ACVR1: variants seen among roughly 807,000 people sequenced by gnomAD.
ACVR1 encodes the protein activin A receptor type 1.
In ACVR1, 38 loss-of-function variants were observed where a neutral mutation model predicts 57.1. The ratio of observed to expected loss-of-function variants is 0.67; its 90% CI spans 0.51 to 0.87. The LOEUF is 0.87. ACVR1 is among the 40% of genes least tolerant of loss of function. ACVR1 has a pLI of 0.00. For synonymous variants in ACVR1, 212 were observed against 228.1 expected (o/e 0.93, Z 0.63); for missense variants, 463 against 638.2 (o/e 0.73, Z 2.96).
At chr2:157,808,827 C>G (rs1427187336) in intron 2 of ACVR1, among the ~76,000 whole-genome samples, 1 of 151,336 alleles carries the variant, frequency 6.6e-6, no homozygotes, top group Non-Finnish European at 1.5e-5. Context: ...AAAAATAGAT[C>G]CGGCTGATGG....
chr2:157,851,884 CACACACACACACACACACACACA>C (rs1689316433), intron 1 of ACVR1, among the ~76,000 whole-genome samples: 1 of 3,626 alleles, frequency 2.8e-4, no homozygotes, highest in Non-Finnish European at 2.3e-3. Context: ...CACACACACA[CACACACACACACACACACACACA>C]CACCACCCCC....
chr2:157,792,766 T>A (rs779381945), intron 3 of ACVR1, among the ~76,000 whole-genome samples: 8 of 152,204 alleles, frequency 5.3e-5, no homozygotes, highest in Non-Finnish European at 1.2e-4. Flanking sequence ...GTAAGAGTAA[T>A]TACTGTTTCA....
intron 2 of ACVR1, among the ~76,000 whole-genome samples, chr2:157,815,165 G>T (rs1032225007): frequency 1.3e-5 from 2 of 152,030 alleles, no homozygotes; most frequent in Admixed American, 1.3e-4. Context: ...ATAAGAAAAC[G>T]TATAAAACCG....
chr2:157,851,103 A>G (rs1371598300), intron 1 of ACVR1, among the ~76,000 whole-genome samples: 2 of 152,156 alleles, frequency 1.3e-5, no homozygotes, highest in Non-Finnish European at 1.5e-5. Flanking sequence ...TATCTTCCCT[A>G]AAATGATAGA....
rs931548468 is a variant in ACVR1, at chr2:157,755,805, A to G, written c.1264+5075T>C. ...CCACCGTCATTCTTCACAGAACTAGAAAAAGCAATCCTAAAATGTATATGG... is the reference window on the plus strand; with the variant it reads ...CCACCGTCATTCTTCACAGAACTAGGAAAAGCAATCCTAAAATGTATATGG... On this transcript the variant is annotated intron_variant, in intron 9 of 10. Transcript: ENST00000434821. 3.3e-5 allele frequency among the ~76,000 whole-genome samples: 5 copies of G among 152,230 alleles called. No individual in the cohort carries two copies. In the South Asian group the frequency reaches 1.0e-3, roughly 32 times the overall value.
chr2:157,816,283 T>C (rs1375668264), intron 2 of ACVR1, among the ~76,000 whole-genome samples: 1 of 152,140 alleles, frequency 6.6e-6, no homozygotes, highest in Non-Finnish European at 1.5e-5. Flanking sequence ...CTTTATACTG[T>C]TTCGTATTAT....
At chr2:157,782,936 A>G (rs10202473) in intron 3 of ACVR1, among the ~76,000 whole-genome samples, 122,968 of 152,088 alleles carry the variant, frequency 0.81, 49,893 homozygotes, top group East Asian at 0.93. Flanking sequence ...AGGGGTTAGC[A>G]CTGGGATGAA....
At chr2:157,795,738 T>TA (rs918535363) in intron 3 of ACVR1, among the ~76,000 whole-genome samples, 5 of 151,178 alleles carry the variant, frequency 3.3e-5, no homozygotes, top group Middle Eastern at 3.4e-3. Context: ...AAAGCAGGAT[T>TA]AAAAAAAAAC....
intron 1 of ACVR1, among the ~76,000 whole-genome samples, chr2:157,854,274 C>G (rs1386391279): frequency 6.6e-6 from 1 of 150,724 alleles, no homozygotes; most frequent in Non-Finnish European, 1.5e-5. Flanking sequence ...ATATTTCTAG[C>G]TAGTTATCTC....
At chr2:157,841,289 ACT>A (rs1017705916) in intron 1 of ACVR1, among the ~76,000 whole-genome samples, 2 of 152,000 alleles carry the variant, frequency 1.3e-5, no homozygotes, top group African/African-American at 4.8e-5. Context: ...AGACCCACTC[ACT>A]CTCAACCCTT....
chr2:157,765,801 G>T, intron 8 of ACVR1, 120 bp downstream of exon 8: 1 of 981,370 alleles, frequency 1.0e-6, no homozygotes, highest in Non-Finnish European at 1.6e-6. Flanking sequence ...CATTGTAAAT[G>T]TTCAACTTTT....
intron 3 of ACVR1, among the ~76,000 whole-genome samples, chr2:157,794,700 C>T (rs1442869845): frequency 6.6e-6 from 1 of 152,068 alleles, no homozygotes. Flanking sequence ...GGAAATTATG[C>T]ATGAAAGCTA....
chr2:157,871,684 A>G (rs569175588), intron 1 of ACVR1, among the ~76,000 whole-genome samples: 1 of 152,360 alleles, frequency 6.6e-6, no homozygotes, highest in Non-Finnish European at 1.5e-5. Context: ...GATGGATCAC[A>G]TAAGAGCCTT....
chr2:157,828,934 T>C (rs1559081953), intron 1 of ACVR1, among the ~76,000 whole-genome samples: 1 of 151,914 alleles, frequency 6.6e-6, no homozygotes, highest in Non-Finnish European at 1.5e-5. Flanking sequence ...GCCCAGATAA[T>C]TTTTGTATTT....
chr2:157,821,630 G>A (rs943155172), intron 1 of ACVR1, among the ~76,000 whole-genome samples: 1 of 152,142 alleles, frequency 6.6e-6, no homozygotes, highest in Non-Finnish European at 1.5e-5. Flanking sequence ...ATTGAGCTGA[G>A]TTTTTTTCCA....
At chr2:157,869,339 G>A (rs1387393555) in intron 1 of ACVR1, among the ~76,000 whole-genome samples, 1 of 152,146 alleles carries the variant, frequency 6.6e-6, no homozygotes, top group African/African-American at 2.4e-5. Context: ...CACACAAAAA[G>A]AAAACGAAAG....
At chr2:157,840,741 G>C (rs1384705514) in intron 1 of ACVR1, among the ~76,000 whole-genome samples, 2 of 152,248 alleles carry the variant, frequency 1.3e-5, no homozygotes, top group Admixed American at 6.5e-5. Flanking sequence ...TGGGGGCAGG[G>C]AGCACCTGCT....
chr2:157,794,716 A>G (rs970368654), intron 3 of ACVR1, among the ~76,000 whole-genome samples: 1 of 152,224 alleles, frequency 6.6e-6, no homozygotes, highest in Admixed American at 6.5e-5. Context: ...AGCTAGCCCA[A>G]TATCTGGTGC....
rs773531681 is a variant in ACVR1, at chr2:157,760,940, C to T, written c.1204G>A (p.Val402Ile). 1.3e-5 allele frequency: 21 copies of T among 1,614,156 alleles called. No homozygotes were observed. The highest frequency in any genetic ancestry group is 1.6e-5 in the Non-Finnish European group (19 of 1,180,018). ...QVDCFDSYKR[V>I]DIWAFGLVLW... ...ACAAGTCCAAAGGCCCAAATATCGA[C>T]CCTTTTATAAGAATCGAAACAATCC... The change falls in exon 9 of 11, where the codon GTC (valine) becomes ATC (isoleucine). Residue 402 changes from valine (V) to isoleucine (I), a missense_variant. By Grantham distance (29) the Val-to-Ile change is conservative. Around this residue, in one of 3 missense-constraint regions of ACVR1, gnomAD observed 146 missense variants for 186.6 expected, o/e 0.78. Coordinates refer to ENST00000434821, the MANE Select transcript of ACVR1 (RefSeq NM_001111067.4).
Sources: gnomAD v4.1 joint callset for allele counts (sites outside exome capture counted in the v4.1 genomes callset) on GRCh38, gnomAD v4.1.1 for gene constraint, gnomAD v4.1.1 regional missense constraint, MANE v1.5 for transcripts, NCBI Gene and HGNC (gene_info 2026-07-23, HGNC 2026-07-21) for gene names.